SDK1: variants seen among roughly 807,000 people sequenced by gnomAD.
SDK1 encodes the protein protein sidekick-1.
SDK1 carries 157 observed loss-of-function variants against 245.5 expected under a neutral mutation model. The ratio of observed to expected loss-of-function variants is 0.64; its 90% confidence interval spans 0.56 to 0.73. The LOEUF (loss-of-function observed/expected upper bound fraction) is 0.73, where lower values mean the gene tolerates loss of function less well. Ranked by LOEUF, SDK1 falls within the 30% of genes least tolerant of loss-of-function variation. The pLI, the probability that SDK1 is intolerant of heterozygous loss-of-function variation, is 0.00. For synonymous variants in SDK1, 1,647 were observed against 1,278.5 expected, an observed-to-expected ratio of 1.29 and a Z score of -6.15; for missense variants, 3,583 against 3,002.3, an observed-to-expected ratio of 1.19 and a Z score of -4.52.
At chr7:3,995,660 G>C (rs1784647407) in intron 14 of SDK1, among the ~76,000 whole-genome samples, 1 of 152,190 alleles carries the variant, frequency 6.6e-6, no homozygotes, top group Non-Finnish European at 1.5e-5. Context: ...TCAGGAGGTT[G>C]AGGGTTCTGA....
At chr7:3,966,181 G>A (rs1215059788) in intron 9 of SDK1, among the ~76,000 whole-genome samples, 1 of 152,066 alleles carries the variant, frequency 6.6e-6, no homozygotes, top group African/African-American at 2.4e-5. Context: ...GACTCGGGTG[G>A]TTGCCTGCGA....
chr7:3,301,630 G>GCGT lies in SDK1; in HGVS notation c.46_47insTCG (p.Gly15_Gly16insVal). Reference sequence around the variant, plus strand: ...CCCTCGGCGGCCGGTGGCGGCGGCGGCGGCGCGGAGCCCCCTGAGCGCGCG... The same window carrying GCGT: ...CCCTCGGCGGCCGGTGGCGGCGGCGGCGTCGGCGCGGAGCCCCCTGAGCGCGCG... On this transcript the variant is annotated inframe_insertion, in exon 1 of 45. Transcript: ENST00000404826. 1.0e-6 allele frequency: 1 copy of GCGT among 977,738 alleles called. No homozygotes were observed. The highest frequency in any genetic ancestry group is 1.2e-6 in the Non-Finnish European group (1 of 826,782). 60.6% of individuals were successfully genotyped at this position (977,738 alleles called of 1,614,324 possible).
At chr7:3,599,428 T>C (rs1781182340) in intron 1 of SDK1, among the ~76,000 whole-genome samples, 1 of 152,244 alleles carries the variant, frequency 6.6e-6, no homozygotes, top group South Asian at 2.1e-4. Flanking sequence ...GTCTGTCTTC[T>C]CATCTCTCCG....
In SDK1 at chr7:3,436,675, CGT is replaced by C. The variant is rs2128586718; in HGVS notation, c.298+134794_298+134795del. 2.0e-5 allele frequency among the ~76,000 whole-genome samples: 3 copies of C among 152,056 alleles called. No individual in the cohort carries two copies. In the East Asian group the frequency reaches 5.8e-4, roughly 29 times the overall value. ...TGTAATATTTTTCTCTTATTTTTATCGTGTAATATTTTGAAGGTGACTGAACC... is the reference window on the plus strand; with the variant it reads ...TGTAATATTTTTCTCTTATTTTTATCGTAATATTTTGAAGGTGACTGAACC... On this transcript the variant is annotated intron_variant, in intron 1 of 44. Transcript: ENST00000404826.
intron 1 of SDK1, among the ~76,000 whole-genome samples, chr7:3,532,862 G>A (rs374619427): frequency 1.1e-4 from 16 of 151,824 alleles, no homozygotes; most frequent in East Asian, 3.9e-4. Flanking sequence ...GGCTCTTTTC[G>A]TCTTTAGCCC....
At chr7:4,199,326 C>T (rs530086712) in intron 35 of SDK1, among the ~76,000 whole-genome samples, 3 of 152,268 alleles carry the variant, frequency 2.0e-5, no homozygotes, top group South Asian at 4.1e-4. Flanking sequence ...GTCCGCAAGC[C>T]GCAGAGCCGG....
intron 29 of SDK1, among the ~76,000 whole-genome samples, chr7:4,147,977 C>T (rs1320790067): frequency 1.3e-5 from 2 of 151,716 alleles, no homozygotes; most frequent in Non-Finnish European, 2.9e-5. Flanking sequence ...CCCCGCCCCA[C>T]AGTCCCGCCC....
chr7:4,163,311 G>A lies in SDK1; in HGVS notation c.4800+1455G>A, dbSNP rs547050310. Among the ~76,000 whole-genome samples, 7 of 152,304 alleles carry A rather than the reference G, an allele frequency of 4.6e-5. No homozygotes were observed. In the South Asian group the frequency reaches 1.5e-3, roughly 32 times the overall value. ...GCTGAAGCTGTCCTCAAGGACAATG[G>A]CAGGGTGCCCGATGCAGCAGGTGGG... On this transcript the variant is annotated intron_variant, in intron 32 of 44. Coordinates refer to ENST00000404826, the MANE Select transcript of SDK1 (RefSeq NM_152744.4).
At chr7:4,068,388 C>T (rs1339820955) in intron 20 of SDK1, among the ~76,000 whole-genome samples, 3 of 152,162 alleles carry the variant, frequency 2.0e-5, no homozygotes, top group Non-Finnish European at 2.9e-5. Context: ...ACTGAGCGCT[C>T]CTGTGGGCAG....
At chr7:3,906,002 A>T (rs1014183469) in intron 5 of SDK1, among the ~76,000 whole-genome samples, 5 of 152,014 alleles carry the variant, frequency 3.3e-5, no homozygotes, top group Non-Finnish European at 7.4e-5. Context: ...TAGAACTCCG[A>T]TTTAAGCATA....
At chr7:4,160,000 G>A (rs1023315953) in intron 31 of SDK1, among the ~76,000 whole-genome samples, 3 of 152,144 alleles carry the variant, frequency 2.0e-5, no homozygotes, top group African/African-American at 7.2e-5. Context: ...AAAGTATTCA[G>A]GAGGATGTGT....
intron 1 of SDK1, among the ~76,000 whole-genome samples, chr7:3,391,057 A>C (rs947196306): frequency 3.3e-5 from 5 of 152,170 alleles, no homozygotes; most frequent in Non-Finnish European, 5.9e-5. Context: ...CTCTTTGAGT[A>C]ATTCTTAAAC....
intron 1 of SDK1, among the ~76,000 whole-genome samples, chr7:3,370,525 CTGTTA>C (rs1274169699): frequency 6.6e-6 from 1 of 152,168 alleles, no homozygotes; most frequent in Admixed American, 6.5e-5. Context: ...AGGAAACAGA[CTGTTA>C]TGTTTGACAT....
intron 4 of SDK1, among the ~76,000 whole-genome samples, chr7:3,653,529 G>A (rs1783070853): frequency 6.6e-6 from 1 of 152,140 alleles, no homozygotes; most frequent in South Asian, 2.1e-4. Context: ...AAGCCACCAG[G>A]GAGGGTGGCA....
intron 14 of SDK1, among the ~76,000 whole-genome samples, chr7:4,002,514 T>C (rs1314308923): frequency 6.6e-6 from 1 of 152,020 alleles, no homozygotes; most frequent in Admixed American, 6.5e-5. Context: ...ACCCAAAGCA[T>C]TGAACAACAA....
chr7:3,586,621 C>T (rs1780696926), intron 1 of SDK1, among the ~76,000 whole-genome samples: 1 of 149,708 alleles, frequency 6.7e-6, no homozygotes, highest in African/African-American at 2.5e-5. Context: ...AGGAGAATGG[C>T]ATGAACCCGG....
intron 5 of SDK1, among the ~76,000 whole-genome samples, chr7:3,834,324 C>T (rs978946554): frequency 6.6e-6 from 1 of 152,214 alleles, no homozygotes; most frequent in African/African-American, 2.4e-5. Context: ...GTGGTTCCTG[C>T]CTTCCCTGAG....
At chr7:3,613,499 C>T (rs189690576) in intron 1 of SDK1, among the ~76,000 whole-genome samples, 1 of 152,148 alleles carries the variant, frequency 6.6e-6, no homozygotes, top group African/African-American at 2.4e-5. Context: ...GGCATTCTAA[C>T]TGGTAGCTTA....
intron 22 of SDK1, among the ~76,000 whole-genome samples, chr7:4,090,945 T>A (rs1216101091): frequency 1.3e-5 from 2 of 152,176 alleles, no homozygotes; most frequent in Non-Finnish European, 2.9e-5. Context: ...GTATGCTCAG[T>A]ATATTTATTT....
Sources: gnomAD v4.1 joint callset for allele counts (sites outside exome capture counted in the v4.1 genomes callset) on GRCh38, gnomAD v4.1.1 for gene constraint, MANE v1.5 for transcripts, NCBI Gene and HGNC (gene_info 2026-07-23, HGNC 2026-07-21) for gene names.